Variants in VEGFB observed in about 807,000 individuals in gnomAD.
VEGFB encodes the protein VEGF-related factor.
A neutral mutation model predicts 22.5 loss-of-function variants in VEGFB; 24 were observed. That is an observed-to-expected ratio of 1.07 (90% CI 0.77 to 1.50). The LOEUF (loss-of-function observed/expected upper bound fraction) is 1.50, where lower values mean the gene tolerates loss of function less well. Ranked by LOEUF, VEGFB falls within the 40% of genes most tolerant of loss-of-function variation. The pLI is 0.00. For missense variants in VEGFB, 327 were observed against 287.8 expected (o/e 1.14, Z -0.99); for synonymous variants, 141 against 117.4 (o/e 1.20, Z -1.30).
intron 4 of VEGFB, 61 bp from the exon 5 acceptor site, chr11:64,237,110 AGAGAGAGAGAGAGTAG>A: frequency 2.7e-6 from 2 of 731,086 alleles, no homozygotes; most frequent in East Asian, 3.1e-5. Context: ...AGAGAGAGAG[AGAGAGAGAGAGAGTAG>A]GATGCTGGGA....
chr11:64,235,009 A>G, intron 1 of VEGFB, 116 bp downstream of exon 1: 1 of 893,694 alleles, frequency 1.1e-6, no homozygotes, highest in Non-Finnish European at 1.5e-6. Context: ...CCGGCCTTGG[A>G]CGCGGGCGTC....
chr11:64,238,539 C>G lies in VEGFB; in HGVS notation c.*206C>G. ...CTCTCAGAGGGCTCTTCTGCCATCC[C>G]TTGTCTCCCTGAGGCCATCATCAAA... On this transcript the variant is annotated 3_prime_UTR_variant, in exon 7 of 7. Transcript: ENST00000309422. The G allele has an allele frequency of 2.5e-6, 2 of 804,592 alleles. No homozygotes were observed. Among genetic ancestry groups the G allele is most frequent in the Middle Eastern group, 5.2e-4 (2 of 3,854 alleles). 49.8% of individuals were successfully genotyped at this position (804,592 alleles called of 1,614,324 possible). A position where few individuals can be genotyped will look rare whatever the true frequency, so the allele number is the denominator to read the frequency against.
intron 4 of VEGFB, among the ~76,000 whole-genome samples, chr11:64,236,854 A>G (rs1207537999): frequency 1.3e-5 from 2 of 149,456 alleles, no homozygotes; most frequent in East Asian, 3.9e-4. Flanking sequence ...CCAGGCAGGC[A>G]GATCACCTGA....
Position 64,234,793 on chromosome 11 carries a change from GGC to G in VEGFB, c.-39_-38del, listed in dbSNP as rs2135012435. ...GCCGCCCCCCGCGCCGCCGGGCTAG[GGC>G]GATGCGGGCGCCCCCGGCGGGCGGC... is the stretch of plus-strand genomic sequence containing the variant. On this transcript the variant is annotated 5_prime_UTR_variant, in exon 1 of 7. Transcript: ENST00000309422. The surrounding 1 kb of genome is among the most constrained non-coding windows in gnomAD (Gnocchi z 5.3). The G allele has an allele frequency of 9.5e-7, 1 of 1,051,602 alleles. No homozygotes were observed. The highest frequency in any genetic ancestry group is 5.9e-5 in the East Asian group (1 of 16,930). The allele number at this position is 1,051,602 out of a possible 1,614,324, so 65.1% of individuals were successfully genotyped here.
chr11:64,235,995 C>G lies in VEGFB; in HGVS notation c.286C>G (p.Gln96Glu), dbSNP rs111555072. Residue 96 changes from glutamine (Q) to glutamate (E), a missense_variant, in exon 3 of 7, where the codon CAA becomes GAA. Gln to Glu is a conservative substitution (Grantham distance 29). Transcript: ENST00000309422. The stretch of plus-strand genomic sequence containing the variant: ...GGAGTGTGTGCCCACTGGGCAGCAC[C>G]AAGTCCGGATGCAGGTACTGGGCAG... Reference protein sequence around the residue: ...GLECVPTGQHQVRMQILMIRY... With the variant: ...GLECVPTGQHEVRMQILMIRY... 2,967 of 1,595,476 alleles carry G rather than the reference C, an allele frequency of 1.9e-3. 24 individuals carry two copies. In the Middle Eastern group the frequency reaches 0.021, roughly 11 times the overall value.
In VEGFB at chr11:64,238,992, G is replaced by T. The variant is rs537102256; in HGVS notation, c.*659G>T. On this transcript the variant is annotated 3_prime_UTR_variant, in exon 7 of 7. Transcript: ENST00000309422. ...GTTATTGCCACGCATGGGAGTCAGGGATAGCCCAGTCAATACAGACTGCCT... is the reference window on the plus strand; with the variant it reads ...GTTATTGCCACGCATGGGAGTCAGGTATAGCCCAGTCAATACAGACTGCCT... 2.6e-5 allele frequency among the ~76,000 whole-genome samples: 4 copies of T among 152,280 alleles called. No homozygotes were observed. Among genetic ancestry groups the T allele is most frequent in the African/African-American group, 9.6e-5 (4 of 41,566 alleles).
chr11:64,238,294 A>T, intron 6 of VEGFB, 62 bp from the exon 7 acceptor site: 1 of 1,528,404 alleles, frequency 6.5e-7, no homozygotes, highest in East Asian at 2.4e-5. Context: ...CGAGGCACAC[A>T]TGAGTCCAGG....
chr11:64,235,022 G>C, intron 1 of VEGFB, 129 bp downstream of exon 1: 1 of 757,522 alleles, frequency 1.3e-6, no homozygotes, highest in Non-Finnish European at 1.8e-6. Flanking sequence ...CGGGCGTCTC[G>C]GGGGCCCGGC....
In VEGFB at chr11:64,235,468, C is replaced by T. The variant is rs772004607; in HGVS notation, c.71C>T (p.Ser24Phe). ...TTTTCTCTCCCACAGGCCCCTGTCT[C>T]CCAGCCTGATGCCCCTGGCCACCAG... ...LQLAPAQAPV[S>F]QPDAPGHQRK... is the part of the protein sequence containing the mutation. Residue 24 changes from serine to phenylalanine, a missense_variant, in exon 2 of 7, where the codon TCC becomes TTC. Ser to Phe is a radical substitution (Grantham distance 155, BLOSUM62 -2). Coordinates refer to ENST00000309422, the MANE Select transcript of VEGFB (RefSeq NM_003377.5). 1 of 1,613,844 alleles carries T rather than the reference C, an allele frequency of 6.2e-7. No individual in the cohort carries two copies. Among genetic ancestry groups the T allele is most frequent in the South Asian group, 1.1e-5 (1 of 91,090 alleles).
chr11:64,236,370 TGG>T, intron 4 of VEGFB, 43 bp downstream of exon 4: 1 of 1,589,110 alleles, frequency 6.3e-7, no homozygotes, highest in Non-Finnish European at 8.6e-7. Context: ...AGGCCAGGCT[TGG>T]GGGGTGCTGG....
rs201190178 is a variant in VEGFB at position 64,237,461 on chromosome 11, C to T, written c.452C>T (p.Pro151Leu). The T allele has an allele frequency of 5.5e-5, 88 of 1,611,316 alleles. No individual in the cohort carries two copies. Among genetic ancestry groups the T allele is most frequent in the Middle Eastern group, 1.6e-4 (1 of 6,074 alleles). Residue 151 changes from proline to leucine, a missense_variant, in exon 6 of 7, where the codon CCG (proline) becomes CTG (leucine). By Grantham distance (98) the Pro-to-Leu change is moderately conservative. Coordinates refer to ENST00000309422, the MANE Select transcript of VEGFB (RefSeq NM_003377.5). ...CACCGTCCCCAGCCCCGTTCTGTTC[C>T]GGGCTGGGACTCTGCCCCCGGAGCA... Reference protein sequence around the residue: ...PHHRPQPRSVPGWDSAPGAPS... With the variant: ...PHHRPQPRSVLGWDSAPGAPS...
intron 6 of VEGFB, 47 bp downstream of exon 6, chr11:64,237,702 C>G (rs980240062): frequency 1.9e-5 from 28 of 1,481,982 alleles, no homozygotes; most frequent in Middle Eastern, 3.5e-4. Flanking sequence ...CACCAAGGCC[C>G]TGTCCTGGAG....
At chr11:64,237,684 T>C (rs2030213199) in intron 6 of VEGFB, 29 bp downstream of exon 6, 1 of 1,500,466 alleles carries the variant, frequency 6.7e-7, no homozygotes, top group East Asian at 2.5e-5. Flanking sequence ...GGTGTTTGTT[T>C]GGGAAGGCAC....
Position 64,238,694 on chromosome 11 carries a change from C to A in VEGFB, c.*361C>A. 2.3e-6 allele frequency: 1 copy of A among 439,746 alleles called. No homozygotes were observed. The highest frequency in any genetic ancestry group is 4.2e-6 in the Non-Finnish European group (1 of 239,196). The allele number at this position is 439,746 out of a possible 1,614,324, so 27.2% of individuals were successfully genotyped here. On this transcript the variant is annotated 3_prime_UTR_variant, in exon 7 of 7. Coordinates refer to ENST00000309422, the MANE Select transcript of VEGFB (RefSeq NM_003377.5). Reference sequence around the variant, plus strand: ...AAGCATCTTACAACTGGCTCTTCCTCCCCTCACTAAGAAGACCCAAACCTC... The same window carrying A: ...AAGCATCTTACAACTGGCTCTTCCTACCCTCACTAAGAAGACCCAAACCTC...
chr11:64,238,819 G>A lies in VEGFB; in HGVS notation c.*486G>A, dbSNP rs1591083056. The A allele has an allele frequency of 2.0e-5, 4 of 205,084 alleles. No homozygotes were observed. In the East Asian group the frequency reaches 4.7e-4, roughly 24 times the overall value. 12.7% of individuals were successfully genotyped at this position (205,084 alleles called of 1,614,324 possible). A position where few individuals can be genotyped will look rare whatever the true frequency, so the allele number is the denominator to read the frequency against. ...CCTGCCTGTGTCACTGTTTGTCACT[G>A]TCCAGGCTGGCTGGTTTGGGCATGA... On this transcript the variant is annotated 3_prime_UTR_variant, in exon 7 of 7. Coordinates refer to ENST00000309422, the MANE Select transcript of VEGFB (RefSeq NM_003377.5).
chr11:64,236,106 C>T (rs985694613), intron 3 of VEGFB, 97 bp downstream of exon 3: 3 of 1,521,732 alleles, frequency 2.0e-6, no homozygotes, highest in African/African-American at 2.7e-5. Context: ...GCTGGGGCAG[C>T]CTGGAGACTG....
In VEGFB at chr11:64,238,978, G is replaced by A. The variant is rs751365220; in HGVS notation, c.*645G>A. 2.6e-5 allele frequency among the ~76,000 whole-genome samples: 4 copies of A among 152,182 alleles called. No individual in the cohort carries two copies. The highest frequency in any genetic ancestry group is 9.7e-5 in the African/African-American group (4 of 41,428). Reference sequence around the variant, plus strand: ...TTCATCACTTTCAAGTTATTGCCACGCATGGGAGTCAGGGATAGCCCAGTC... The same window carrying A: ...TTCATCACTTTCAAGTTATTGCCACACATGGGAGTCAGGGATAGCCCAGTC... On this transcript the variant is annotated 3_prime_UTR_variant, in exon 7 of 7. Coordinates refer to ENST00000309422, the MANE Select transcript of VEGFB (RefSeq NM_003377.5).
chr11:64,236,044 A>G, intron 3 of VEGFB, 35 bp downstream of exon 3: 1 of 1,558,056 alleles, frequency 6.4e-7, no homozygotes. Context: ...CAGGGGATGC[A>G]GGTACTGGGC....
At chr11:64,236,891 C>G (rs900052462) in intron 4 of VEGFB, among the ~76,000 whole-genome samples, 1 of 148,502 alleles carries the variant, frequency 6.7e-6, no homozygotes, top group Non-Finnish European at 1.5e-5. Flanking sequence ...CCAGCCTGGC[C>G]AACATGGTGA....
Sources: gnomAD v4.1 joint callset for allele counts (sites outside exome capture counted in the v4.1 genomes callset) on GRCh38, gnomAD v4.1.1 for gene constraint, Gnocchi (gnomAD v3.1) non-coding constraint, MANE v1.5 for transcripts, NCBI Gene and HGNC (gene_info 2026-07-23, HGNC 2026-07-21) for gene names.